Variants in DDX10 observed in about 807,000 individuals in gnomAD.
The protein encoded by DDX10 is DEAD-box helicase 10.
DDX10 carries 74 observed loss-of-function variants against 104.3 expected under a neutral mutation model. That is an observed-to-expected ratio of 0.71 (90% CI 0.59 to 0.86). DDX10 has a LOEUF of 0.86. Among genes scored for constraint, DDX10 ranks in the 40% least tolerant of loss-of-function variants. The probability of loss-of-function intolerance (pLI) is 0.00; values close to 1 mark genes in which losing one functional copy is unlikely to be tolerated. For missense variants in DDX10, 952 were observed against 1,040.0 expected (o/e 0.92, Z 1.16); for synonymous variants, 351 against 353.4 (o/e 0.99, Z 0.08).
intron 16 of DDX10, among the ~76,000 whole-genome samples, chr11:108,855,169 A>T (rs1862848514): frequency 6.6e-6 from 1 of 152,206 alleles, no homozygotes; most frequent in Non-Finnish European, 1.5e-5. Context: ...TATTCTTATG[A>T]CCTACAGATT....
chr11:108,829,440 A>AT (rs968011234), intron 13 of DDX10, among the ~76,000 whole-genome samples: 84 of 150,914 alleles, frequency 5.6e-4, no homozygotes, highest in African/African-American at 1.7e-3. Flanking sequence ...TTTTGATGGA[A>AT]TTTTTTTTTC....
Position 108,665,082 on chromosome 11 carries a change from G to C in DDX10, c.-72G>C, listed in dbSNP as rs983639482. The C allele has an allele frequency of 5.4e-6, 8 of 1,472,748 alleles. No individual in the cohort carries two copies. Among genetic ancestry groups the C allele is most frequent in the East Asian group, 5.2e-5 (2 of 38,788 alleles). 91.2% of individuals were successfully genotyped at this position (1,472,748 alleles called of 1,614,324 possible). On this transcript the variant is annotated 5_prime_UTR_variant, in exon 1 of 18. The change abolishes an upstream ATG in the 5' untranslated region. Transcript: ENST00000322536. ...ATGCGCCTCTGTGCGTTTGTCCCAT[G>C]CTGGTTCCGTGAGTCTGGCCTTAGG...
chr11:108,789,329 T>G (rs1861838304), intron 13 of DDX10, among the ~76,000 whole-genome samples: 1 of 152,198 alleles, frequency 6.6e-6, no homozygotes, highest in African/African-American at 2.4e-5. Context: ...TTGTTTCATT[T>G]TGGTTTTTGG....
chr11:108,798,933 T>C (rs1237840313), intron 13 of DDX10, among the ~76,000 whole-genome samples: 1 of 152,146 alleles, frequency 6.6e-6, no homozygotes, highest in Non-Finnish European at 1.5e-5. Flanking sequence ...ACCCAGACAA[T>C]ATGAAAAATG....
chr11:108,665,598 A>G (rs2094209113), intron 1 of DDX10, among the ~76,000 whole-genome samples: 1 of 152,148 alleles, frequency 6.6e-6, no homozygotes. Context: ...CTACAGTCAT[A>G]TTCATATTAA....
chr11:108,726,278 G>A (rs1369964961), intron 13 of DDX10, among the ~76,000 whole-genome samples: 4 of 152,004 alleles, frequency 2.6e-5, no homozygotes, highest in Non-Finnish European at 5.9e-5. Flanking sequence ...AAAGCTTGCC[G>A]ATGACTTCAT....
Position 108,799,022 on chromosome 11 carries a change from T to A in DDX10, c.1966-39424T>A, listed in dbSNP as rs1861983165. Among the ~76,000 whole-genome samples, 2 of 152,330 alleles carry A rather than the reference T, an allele frequency of 1.3e-5. 1 individual carries two copies. The highest frequency in any genetic ancestry group is 4.8e-5 in the African/African-American group (2 of 41,576). ...CTTTGATTATTTAATGAAACTTTTT[T>A]AATGTAATAAAGTTCAGGCTCTAAT... On this transcript the variant is annotated intron_variant, in intron 13 of 17. Transcript: ENST00000322536.
intron 6 of DDX10, among the ~76,000 whole-genome samples, 184 bp downstream of exon 6, chr11:108,679,744 T>C (rs1183891511): frequency 6.6e-6 from 1 of 152,220 alleles, no homozygotes; most frequent in East Asian, 1.9e-4. Flanking sequence ...GTCAGGGTAC[T>C]TGAATGTAGC....
intron 13 of DDX10, among the ~76,000 whole-genome samples, chr11:108,769,070 T>A (rs75121068): frequency 1.5e-3 from 232 of 152,302 alleles, no homozygotes; most frequent in African/African-American, 5.1e-3. Context: ...ATTGTCATTC[T>A]CCTGAAGTAA....
intron 13 of DDX10, among the ~76,000 whole-genome samples, chr11:108,809,543 C>CAAT (rs1295685422): frequency 3.3e-5 from 5 of 152,084 alleles, no homozygotes; most frequent in African/African-American, 1.2e-4. Context: ...GAGTGAATAC[C>CAAT]AATAAAGGTG....
chr11:108,752,498 T>A (rs2134506749), intron 13 of DDX10, among the ~76,000 whole-genome samples: 1 of 152,238 alleles, frequency 6.6e-6, no homozygotes, highest in African/African-American at 2.4e-5. Context: ...AATAGTATTT[T>A]ATCTGATAAC....
intron 16 of DDX10, among the ~76,000 whole-genome samples, chr11:108,886,813 A>C (rs1031689972): frequency 6.6e-6 from 1 of 152,216 alleles, no homozygotes; most frequent in African/African-American, 2.4e-5. Context: ...TCCATGAGTC[A>C]TATAAAACTA....
At chr11:108,803,392 G>T (rs577817335) in intron 13 of DDX10, among the ~76,000 whole-genome samples, 9 of 151,910 alleles carry the variant, frequency 5.9e-5, no homozygotes, top group Admixed American at 5.9e-4. Flanking sequence ...TCGTGAGTTT[G>T]AGACCAGCCT....
At chr11:108,831,410 C>A (rs1007272286) in intron 13 of DDX10, among the ~76,000 whole-genome samples, 1 of 111,108 alleles carries the variant, frequency 9.0e-6, no homozygotes, top group Non-Finnish European at 1.7e-5. Flanking sequence ...GGTGACAGAG[C>A]GAGACTGTCT....
chr11:108,788,598 G>T (rs947109682), intron 13 of DDX10, among the ~76,000 whole-genome samples: 2 of 152,198 alleles, frequency 1.3e-5, no homozygotes, highest in African/African-American at 2.4e-5. Flanking sequence ...CCCGACCTCA[G>T]GTGATCCCCC....
chr11:108,793,811 C>A (rs1433669632), intron 13 of DDX10, among the ~76,000 whole-genome samples: 4 of 151,962 alleles, frequency 2.6e-5, no homozygotes, highest in African/African-American at 9.7e-5. Context: ...TCTTTATCTC[C>A]CTCTCTCCTC....
intron 13 of DDX10, among the ~76,000 whole-genome samples, chr11:108,791,592 C>T (rs1861871432): frequency 1.3e-5 from 2 of 152,188 alleles, no homozygotes; most frequent in South Asian, 2.1e-4. Context: ...TCATAGAGTT[C>T]TCTTGTATAC....
chr11:108,858,313 C>T (rs1862898091), intron 16 of DDX10, among the ~76,000 whole-genome samples: 1 of 152,138 alleles, frequency 6.6e-6, no homozygotes, highest in Admixed American at 6.5e-5. Context: ...GATTGTCTCT[C>T]ATCACTAGAC....
At chr11:108,695,571 T>A (rs2094258551) in intron 9 of DDX10, among the ~76,000 whole-genome samples, 1 of 152,216 alleles carries the variant, frequency 6.6e-6, no homozygotes, top group South Asian at 2.1e-4. Flanking sequence ...TTAGTTCTTT[T>A]AGATTTCTAT....
Sources: allele counts gnomAD v4.1 joint callset (sites outside exome capture counted in the v4.1 genomes callset), GRCh38; gene constraint gnomAD v4.1.1; transcripts MANE v1.5; gene names NCBI Gene and HGNC (gene_info 2026-07-23, HGNC 2026-07-21).